GAREM2: variants seen among roughly 807,000 people sequenced by gnomAD.
GAREM2 encodes the protein GRB2-associated and regulator of MAPK protein 2.
Under a neutral mutation model 55.6 loss-of-function variants are expected in GAREM2, and 30 were observed. The observed-to-expected ratio is 0.54, with a 90% CI of 0.40 to 0.73. The LOEUF (loss-of-function observed/expected upper bound fraction) is 0.73. Among genes scored for constraint, GAREM2 ranks in the 30% least tolerant of loss-of-function variants. The pLI, the probability that GAREM2 is intolerant of heterozygous loss-of-function variation, is 0.00. For synonymous variants in GAREM2, 550 were observed against 569.1 expected (o/e 0.97, Z 0.48); for missense variants, 1,075 against 1,257.7 (o/e 0.85, Z 2.20).
At chr2:26,190,121 C>G (rs186816956), downstream of GAREM2, among the ~76,000 whole-genome samples, 1 of 152,190 alleles carries the variant, frequency 6.6e-6, no homozygotes. Context: ...GTCTGGCTTC[C>G]TAGTGACCAA....
In GAREM2 at chr2:26,188,651, A is replaced by T. The variant is rs13422413; in HGVS notation, c.*394A>T. 2,745 of 174,430 alleles carry T rather than the reference A, an allele frequency of 0.016. 94 individuals are homozygous for T. Among genetic ancestry groups the T allele is most frequent in the African/African-American group, 0.061 (2,611 of 42,536 alleles). The allele number at this position is 174,430 out of a possible 1,614,324, so 10.8% of individuals were successfully genotyped here. On this transcript the variant is annotated 3_prime_UTR_variant, in exon 6 of 6. Transcript: ENST00000401533. ...CTGTAGGCTCTGTTTAGAGACAAGA[A>T]GATGGCTGGTAATTTAAGCACCGAT...
At chr2:26,204,218 AC>A in the GAREM2 span, 41 of 1,612,276 alleles carry the variant, frequency 2.5e-5, no homozygotes, top group Non-Finnish European at 3.5e-5. Flanking sequence ...GGATGAAATG[AC>A]TTTCGGTAAA....
At chr2:26,182,886 T>A (rs1220094728) in intron 2 of GAREM2, 81 bp from the exon 3 acceptor site, 17 of 1,493,190 alleles carry the variant, frequency 1.1e-5, no homozygotes, top group Non-Finnish European at 1.5e-5. Context: ...TGGTAGCAAG[T>A]GACCATGAAG....
chr2:26,204,212 G>A, the GAREM2 span: 1 of 1,613,032 alleles, frequency 6.2e-7, no homozygotes, highest in Non-Finnish European at 8.5e-7. Flanking sequence ...AGGCAAGGAT[G>A]AAATGACTTT....
chr2:26,187,563 C>T lies in GAREM2; in HGVS notation c.1931C>T (p.Ala644Val), dbSNP rs1476218078. The change falls in exon 6 of 6, where the codon GCG (alanine) becomes GTG (valine). Residue 644 changes from alanine to valine, a missense_variant. By Grantham distance (64) the Ala-to-Val change is moderately conservative (BLOSUM62 0). Coordinates refer to ENST00000401533, the MANE Select transcript of GAREM2 (RefSeq NM_001168241.2). ...SGPAYPSGPS[A>V]ALSSGPRTTS... Reference sequence around the variant, plus strand: ...CCTGCCTACCCCTCAGGCCCTTCAGCGGCCTTGTCTTCTGGGCCCAGAACC... The same window carrying T: ...CCTGCCTACCCCTCAGGCCCTTCAGTGGCCTTGTCTTCTGGGCCCAGAACC... 3.2e-6 allele frequency: 5 copies of T among 1,544,000 alleles called. No homozygotes were observed. Among genetic ancestry groups the T allele is most frequent in the Admixed American group, 2.0e-5 (1 of 49,678 alleles).
intron 2 of GAREM2, chr2:26,181,861 C>T (rs181345433): frequency 4.3e-6 from 1 of 232,640 alleles, no homozygotes; most frequent in East Asian, 1.8e-4. Flanking sequence ...TGCCTGTGGT[C>T]CCAGGTACTT....
At chr2:26,203,486 T>C in the GAREM2 span, among the ~76,000 whole-genome samples, 1 of 152,166 alleles carries the variant, frequency 6.6e-6, no homozygotes, top group African/African-American at 2.4e-5. Context: ...CTTTATTAAT[T>C]CAGAGGTAAG....
downstream of GAREM2, chr2:26,194,500 T>G: frequency 1.0e-6 from 1 of 968,380 alleles, no homozygotes; most frequent in Non-Finnish European, 1.7e-6. Flanking sequence ...GTCCTTATCT[T>G]GACATCATGA....
downstream of GAREM2, among the ~76,000 whole-genome samples, chr2:26,193,979 A>G (rs1669588033): frequency 6.6e-6 from 1 of 152,216 alleles, no homozygotes; most frequent in African/African-American, 2.4e-5. Flanking sequence ...TCTAATCTAC[A>G]GCACTTTAAG....
downstream of GAREM2, chr2:26,191,690 C>T: frequency 2.6e-6 from 4 of 1,559,954 alleles, no homozygotes; most frequent in Non-Finnish European, 3.5e-6. Context: ...GCCAGAGCCG[C>T]AGATGCAGAA....
At chr2:26,200,964 C>T in the GAREM2 span, among the ~76,000 whole-genome samples, 1 of 152,096 alleles carries the variant, frequency 6.6e-6, no homozygotes. Context: ...GAACTCCTTA[C>T]CTCGTGATCC....
At chr2:26,190,613 G>C (rs1233736131), downstream of GAREM2, 3 of 157,354 alleles carry the variant, frequency 1.9e-5, no homozygotes, top group African/African-American at 4.8e-5. Flanking sequence ...AAAGAAATGG[G>C]TAAGATCACA....
Position 26,184,962 on chromosome 2 carries a change from T to C in GAREM2, c.1114T>C (p.Cys372Arg). 8.2e-7 allele frequency: 1 copy of C among 1,220,402 alleles called. No individual in the cohort carries two copies. The highest frequency in any genetic ancestry group is 4.4e-5 in the Admixed American group (1 of 22,650). 75.6% of individuals were successfully genotyped at this position (1,220,402 alleles called of 1,614,324 possible). A position where few individuals can be genotyped will look rare whatever the true frequency, so the allele number is the denominator to read the frequency against. ...GGCGCCAGCGGAGCTCGCCGAAGAC[T>C]GCGCCAGCCCGCGCCGCGCGCGCCT... ...REAPAELAED[C>R]ASPRRARLCL... The change falls in exon 4 of 6, where the codon TGC (cysteine) becomes CGC (arginine). Residue 372 changes from cysteine to arginine, a missense_variant. Cys to Arg is a radical substitution (Grantham distance 180). Coordinates refer to ENST00000401533, the MANE Select transcript of GAREM2 (RefSeq NM_001168241.2).
chr2:26,200,852 C>A, the GAREM2 span, among the ~76,000 whole-genome samples: 1 of 152,056 alleles, frequency 6.6e-6, no homozygotes, highest in African/African-American at 2.4e-5. Flanking sequence ...CCTGCTTCAG[C>A]CTCCCAAATA....
rs1669218687 is a variant in GAREM2 at position 26,185,418 on chromosome 2, A to G, written c.1428+142A>G. ...AAGGGGAGAAGGAAAGGGCAGAGGC[A>G]TGCCAGGCAAAAGCATTTGTAGTAA... On this transcript the variant is annotated intron_variant, in intron 4 of 5. Transcript: ENST00000401533. The G allele has an allele frequency of 5.4e-6, 7 of 1,308,072 alleles. No homozygotes were observed. In the East Asian group the frequency reaches 2.1e-4, roughly 40 times the overall value. The allele number at this position is 1,308,072 out of a possible 1,614,324, so 81.0% of individuals were successfully genotyped here.
chr2:26,181,891 A>G, intron 2 of GAREM2: 2 of 435,722 alleles, frequency 4.6e-6, no homozygotes, highest in Non-Finnish European at 6.1e-6. Context: ...AGGCAGGAGG[A>G]TCCCTTGAGC....
At position 26,184,430 on chromosome 2, in the gene GAREM2, C is replaced by G. The variant is rs1480135455; in HGVS notation, c.582C>G (p.Ser194Arg). The change falls in exon 4 of 6, where the codon AGC becomes AGG. Residue 194 changes from serine to arginine, a missense_variant. Physicochemically the swap from Ser to Arg is moderately radical, Grantham distance 110 (BLOSUM62 -1). Coordinates refer to ENST00000401533, the MANE Select transcript of GAREM2 (RefSeq NM_001168241.2). ...LAGVGGGGPASAGAAGGTGGG... is the reference protein window; with the variant it reads ...LAGVGGGGPARAGAAGGTGGG... ...GGGTGGGCGGCGGCGGCCCAGCGAG[C>G]GCGGGGGCCGCGGGAGGCACTGGCG... 8.2e-6 allele frequency: 12 copies of G among 1,471,208 alleles called. No individual in the cohort carries two copies. Among genetic ancestry groups the G allele is most frequent in the Non-Finnish European group, 1.1e-5 (12 of 1,109,520 alleles). The allele number at this position is 1,471,208 out of a possible 1,614,324, so 91.1% of individuals were successfully genotyped here. A position where few individuals can be genotyped will look rare whatever the true frequency, so the allele number is the denominator to read the frequency against.
chr2:26,199,715 T>C, the GAREM2 span, among the ~76,000 whole-genome samples: 1 of 152,212 alleles, frequency 6.6e-6, no homozygotes, highest in Non-Finnish European at 1.5e-5. Flanking sequence ...TTTTTATTTT[T>C]TAAATTATTT....
At position 26,173,246 on chromosome 2, in the gene GAREM2, C is replaced by G. The variant is rs1297518864; in HGVS notation, c.26C>G (p.Ala9Gly). 2 of 1,347,374 alleles carry G rather than the reference C, an allele frequency of 1.5e-6. No individual in the cohort carries two copies. The highest frequency in any genetic ancestry group is 1.9e-6 in the Non-Finnish European group (2 of 1,046,368). The allele number at this position is 1,347,374 out of a possible 1,614,324, so 83.5% of individuals were successfully genotyped here. A position where few individuals can be genotyped will look rare whatever the true frequency, so the allele number is the denominator to read the frequency against. Residue 9 changes from alanine (A) to glycine (G), a missense_variant, in exon 1 of 6, where the codon GCC becomes GGC. Physicochemically the swap from Ala to Gly is moderately conservative, Grantham distance 60 (BLOSUM62 0). This residue lies in a region of GAREM2 where 230 missense variants were observed against 310.6 expected (regional missense o/e 0.74). Transcript: ENST00000401533. MEKLAAGL[A>G]GLRWSMGAFP... ...ATGGAGAAGCTGGCGGCCGGGCTGG[C>G]CGGCCTGCGCTGGAGCATGGGCGCC... is the stretch of plus-strand genomic sequence containing the variant.
Sources: gnomAD v4.1 joint callset for allele counts (sites outside exome capture counted in the v4.1 genomes callset) on GRCh38, gnomAD v4.1.1 for gene constraint, gnomAD v4.1.1 regional missense constraint, MANE v1.5 for transcripts, NCBI Gene and HGNC (gene_info 2026-07-23, HGNC 2026-07-21) for gene names.